Variants in FBXO42 observed in about 807,000 individuals in gnomAD.
FBXO42 encodes the protein F-box protein 42.
In FBXO42, 12 loss-of-function variants were observed where a neutral mutation model predicts 71.7. The observed-to-expected ratio is 0.17, with a 90% CI of 0.11 to 0.27. The LOEUF (loss-of-function observed/expected upper bound fraction) is 0.27, where lower values mean the gene tolerates loss of function less well. FBXO42 is among the 10% of genes least tolerant of loss of function. The probability of loss-of-function intolerance (pLI) is 1.00; values close to 1 mark genes in which losing one functional copy is unlikely to be tolerated. For missense variants in FBXO42, 707 were observed against 911.9 expected (o/e 0.78, Z 2.89); for synonymous variants, 325 against 327.5 (o/e 0.99, Z 0.08).
In FBXO42 at chr1:16,271,665, T is replaced by C. The variant is rs1251737763; in HGVS notation, c.503-14906A>G. ...AACACCCAACCTATTTGTAAGTCCATGAACATGCCAAACTCTCTTACCTCC... is the reference window on the plus strand; with the variant it reads ...AACACCCAACCTATTTGTAAGTCCACGAACATGCCAAACTCTCTTACCTCC... On this transcript the variant is annotated intron_variant, in intron 4 of 9. Coordinates refer to ENST00000375592, the MANE Select transcript of FBXO42 (RefSeq NM_018994.3). 2.6e-5 allele frequency among the ~76,000 whole-genome samples: 4 copies of C among 152,086 alleles called. No individual in the cohort carries two copies. The East Asian group carries it at 7.7e-4, about 29-fold the overall frequency.
chr1:16,302,920 C>G (rs1324335968), intron 3 of FBXO42, among the ~76,000 whole-genome samples: 1 of 152,160 alleles, frequency 6.6e-6, no homozygotes, highest in Non-Finnish European at 1.5e-5. Context: ...AGGTCACTCC[C>G]TTGACACATG....
intron 1 of FBXO42, among the ~76,000 whole-genome samples, chr1:16,339,399 G>A (rs371545532): frequency 3.9e-5 from 6 of 152,074 alleles, no homozygotes; most frequent in Middle Eastern, 3.4e-3. Flanking sequence ...TGCAACCTCC[G>A]CCACCTGGGT....
chr1:16,324,939 T>G (rs1458796207), intron 1 of FBXO42, among the ~76,000 whole-genome samples: 1 of 152,084 alleles, frequency 6.6e-6, no homozygotes, highest in Non-Finnish European at 1.5e-5. Context: ...CTTTGCCACT[T>G]ACAGAATTAC....
intron 2 of FBXO42, among the ~76,000 whole-genome samples, chr1:16,310,260 T>G (rs1569900819): frequency 6.9e-6 from 1 of 145,088 alleles, no homozygotes; most frequent in Non-Finnish European, 1.5e-5. Flanking sequence ...ACTTGGGAGG[T>G]GGAAGCAGGA....
At chr1:16,253,363 C>G in intron 7 of FBXO42, 1 of 594,300 alleles carries the variant, frequency 1.7e-6, no homozygotes, top group South Asian at 2.2e-5. Flanking sequence ...CTTTGTTGAT[C>G]AAATATTAAC....
chr1:16,304,964 C>CA (rs1203374593), intron 3 of FBXO42, among the ~76,000 whole-genome samples: 14 of 151,256 alleles, frequency 9.3e-5, no homozygotes, highest in Non-Finnish European at 2.1e-4. Flanking sequence ...GACTCTGTCT[C>CA]AAAAAAAAGA....
Position 16,255,719 on chromosome 1 carries a change from G to C in FBXO42, c.759C>G (p.Ser253=). 6.2e-7 allele frequency: 1 copy of C among 1,613,400 alleles called. No individual in the cohort carries two copies. Among genetic ancestry groups the C allele is most frequent in the Middle Eastern group, 1.6e-4 (1 of 6,062 alleles). Residue 253 remains serine, a synonymous_variant, in exon 6 of 10, where the codon TCC becomes TCG. Coordinates refer to ENST00000375592, the MANE Select transcript of FBXO42 (RefSeq NM_018994.3). ...KMIVFGGSLG[S]RQMSNDVWVL... ...AAACCAAATGTACTTACATTTGCCG[G>C]GATCCTAAAGAGCCACCAAAGACAA...
At chr1:16,325,705 G>A (rs2082443108) in intron 1 of FBXO42, among the ~76,000 whole-genome samples, 1 of 152,048 alleles carries the variant, frequency 6.6e-6, no homozygotes, top group Non-Finnish European at 1.5e-5. Flanking sequence ...CACCTAGGCT[G>A]GAGTGCAGTG....
intron 2 of FBXO42, among the ~76,000 whole-genome samples, chr1:16,314,406 G>A (rs1282817395): frequency 1.3e-5 from 2 of 152,152 alleles, no homozygotes; most frequent in African/African-American, 4.8e-5. Context: ...AAGCCAGATC[G>A]CCTGAACGTG....
chr1:16,303,399 C>T (rs1177039437), intron 3 of FBXO42, among the ~76,000 whole-genome samples: 1 of 152,192 alleles, frequency 6.6e-6, no homozygotes, highest in Non-Finnish European at 1.5e-5. Context: ...CCCTTGCCTA[C>T]TTCATGTTTA....
At chr1:16,337,961 G>A (rs1392708173) in intron 1 of FBXO42, among the ~76,000 whole-genome samples, 1 of 145,596 alleles carries the variant, frequency 6.9e-6, no homozygotes, top group African/African-American at 2.5e-5. Context: ...ACTTTGGGAG[G>A]CCAAGGAGGG....
chr1:16,254,655 A>G (rs539860952), intron 6 of FBXO42, among the ~76,000 whole-genome samples: 1 of 152,334 alleles, frequency 6.6e-6, no homozygotes, highest in South Asian at 2.1e-4. Context: ...TGAAGATGGA[A>G]ATGCCCTAAG....
chr1:16,308,740 GT>G (rs35488648), intron 2 of FBXO42, among the ~76,000 whole-genome samples: 2,638 of 80,566 alleles, frequency 0.033, 31 homozygotes, highest in African/African-American at 0.11. Context: ...CCCCATCTCT[GT>G]TTTTTTTTTT....
At chr1:16,348,880 T>C (rs2082675643) in intron 1 of FBXO42, among the ~76,000 whole-genome samples, 1 of 152,166 alleles carries the variant, frequency 6.6e-6, no homozygotes, top group Non-Finnish European at 1.5e-5. Context: ...GTATTAATTG[T>C]CATCAAATTA....
chr1:16,347,905 C>T (rs1394526396), intron 1 of FBXO42, among the ~76,000 whole-genome samples: 1 of 150,008 alleles, frequency 6.7e-6, no homozygotes, highest in African/African-American at 2.5e-5. Flanking sequence ...AGGAGAATGG[C>T]GTGAACCTGG....
At chr1:16,258,022 G>A (rs373242383) in intron 4 of FBXO42, among the ~76,000 whole-genome samples, 1 of 151,404 alleles carries the variant, frequency 6.6e-6, no homozygotes, top group African/African-American at 2.4e-5. Flanking sequence ...TTTCTTTTTG[G>A]TTAAAGCTGC....
intron 4 of FBXO42, among the ~76,000 whole-genome samples, chr1:16,270,589 A>T (rs549163130): frequency 6.7e-6 from 1 of 148,374 alleles, no homozygotes; most frequent in East Asian, 2.0e-4. Flanking sequence ...CTGTAATCCC[A>T]GCACTTTGTG....
At chr1:16,267,977 C>T (rs944705869) in intron 4 of FBXO42, among the ~76,000 whole-genome samples, 1 of 152,168 alleles carries the variant, frequency 6.6e-6, no homozygotes, top group African/African-American at 2.4e-5. Context: ...TAGGGCAGCA[C>T]TTATCAGCTA....
chr1:16,256,893 G>A, intron 4 of FBXO42, 134 bp from the exon 5 acceptor site: 3 of 827,132 alleles, frequency 3.6e-6, no homozygotes, highest in Non-Finnish European at 5.3e-6. Flanking sequence ...GAGGAAAGGT[G>A]GAAAGAAAAC....
Sources: gnomAD v4.1 joint callset for allele counts (sites outside exome capture counted in the v4.1 genomes callset) on GRCh38, gnomAD v4.1.1 for gene constraint, MANE v1.5 for transcripts, NCBI Gene and HGNC (gene_info 2026-07-23, HGNC 2026-07-21) for gene names.